Variants in PCDHGA10 observed in about 807,000 individuals in gnomAD.
The protein encoded by PCDHGA10 is protocadherin gamma subfamily A, 10, also known as protocadherin gamma-A10.
In PCDHGA10, 42 loss-of-function variants were observed where a neutral mutation model predicts 59.5. That is an observed-to-expected ratio of 0.71 (90% CI 0.55 to 0.91). The LOEUF is 0.91. Among genes scored for constraint, PCDHGA10 ranks in the 40% least tolerant of loss-of-function variants. The probability of loss-of-function intolerance (pLI) is 0.00; values close to 1 mark genes in which losing one functional copy is unlikely to be tolerated. For missense variants in PCDHGA10, 1,111 were observed against 1,198.2 expected (o/e 0.93, Z 1.07); for synonymous variants, 511 against 517.2 (o/e 0.99, Z 0.16).
intron 1 of PCDHGA10, among the ~76,000 whole-genome samples, chr5:141,463,844 G>A (rs545618795): frequency 1.3e-5 from 2 of 152,258 alleles, no homozygotes; most frequent in East Asian, 3.9e-4. Context: ...AGTTGTTATA[G>A]TGGTATATCT....
At chr5:141,450,835 T>TATTA (rs1438371595) in intron 1 of PCDHGA10, among the ~76,000 whole-genome samples, 1 of 142,096 alleles carries the variant, frequency 7.0e-6, no homozygotes, top group Admixed American at 6.9e-5. Context: ...TATTATTTTT[T>TATTA]TTTTTTTGAG....
chr5:141,468,486 TG>T (rs1562016448), intron 1 of PCDHGA10: 14 of 152,288 alleles, frequency 9.2e-5, no homozygotes. Context: ...GTAGGTCTCA[TG>T]GAAGATTTTC....
At chr5:141,444,725 T>C (rs1178418239) in intron 1 of PCDHGA10, among the ~76,000 whole-genome samples, 1 of 152,370 alleles carries the variant, frequency 6.6e-6, no homozygotes, top group East Asian at 1.9e-4. Flanking sequence ...TTGGTGCCTT[T>C]GTTGAAAGTC....
At chr5:141,455,860 A>ATTATTTAT (rs145569377) in intron 1 of PCDHGA10, among the ~76,000 whole-genome samples, 155 of 139,844 alleles carry the variant, frequency 1.1e-3, no homozygotes, top group Non-Finnish European at 1.5e-3. Flanking sequence ...AATTTCTTTT[A>ATTATTTAT]TTATTTATTT....
intron 1 of PCDHGA10, chr5:141,422,970 C>T (rs1348343583): frequency 1.2e-6 from 2 of 1,614,246 alleles, no homozygotes; most frequent in East Asian, 2.2e-5. Flanking sequence ...TGGCGCCCCG[C>T]TCTGCGGAAC....
chr5:141,505,794 G>A (rs1423502957), intron 3 of PCDHGA10, among the ~76,000 whole-genome samples: 1 of 152,142 alleles, frequency 6.6e-6, no homozygotes, highest in East Asian at 1.9e-4. Context: ...CTATCCTTGG[G>A]ACTTGGATCG....
chr5:141,501,509 C>T lies in PCDHGA10; in HGVS notation c.2496-3884C>T, dbSNP rs1046763108. 4.6e-5 allele frequency among the ~76,000 whole-genome samples: 7 copies of T among 152,080 alleles called. No individual in the cohort carries two copies. The South Asian group carries it at 6.2e-4, about 14-fold the overall frequency. On this transcript the variant is annotated intron_variant, in intron 2 of 3. Transcript: ENST00000398610. The stretch of plus-strand genomic sequence containing the variant: ...ATATCTGCTGCTGGGGCTCCAAGGC[C>T]TCCAAGCTGAAGCCCAGTACGTTGT...
intron 1 of PCDHGA10, among the ~76,000 whole-genome samples, chr5:141,450,572 T>A (rs1276283357): frequency 6.6e-6 from 1 of 151,710 alleles, no homozygotes; most frequent in African/African-American, 2.4e-5. Flanking sequence ...CTGCAACTTC[T>A]GCCTCCCAGG....
rs1359132446 is a variant in PCDHGA10, at chr5:141,414,584, C to G, written c.1409C>G (p.Ala470Gly). The change falls in exon 1 of 4, where the codon GCC becomes GGC. Residue 470 changes from alanine (A) to glycine (G), a missense_variant. By Grantham distance (60) the Ala-to-Gly change is moderately conservative. Transcript: ENST00000398610. The stretch of plus-strand genomic sequence containing the variant: ...TTTACCTATATCCCAGAGAACAACG[C>G]CAGGGGTGCCTCCATCTTCTCAGTG... ...SYFTYIPENN[A>G]RGASIFSVTA... 5 of 1,613,956 alleles carry G rather than the reference C, an allele frequency of 3.1e-6. No homozygotes were observed. The highest frequency in any genetic ancestry group is 4.2e-6 in the Non-Finnish European group (5 of 1,179,892).
chr5:141,413,235 C>A lies in PCDHGA10; in HGVS notation c.60C>A (p.Leu20=). The A allele has an allele frequency of 6.2e-7, 1 of 1,613,954 alleles. No homozygotes were observed. Among genetic ancestry groups the A allele is most frequent in the Non-Finnish European group, 8.5e-7 (1 of 1,179,884 alleles). The change falls in exon 1 of 4, where the codon CTC becomes CTA. Residue 20 remains leucine (L), a synonymous_variant. Coordinates refer to ENST00000398610, the MANE Select transcript of PCDHGA10 (RefSeq NM_018913.3). Reference sequence around the variant, plus strand: ...AGGATTGCAGCGGGCTGGTCCTGCTCTGCCTTTTCTTCGGGATTCCATGGG... The same window carrying A: ...AGGATTGCAGCGGGCTGGTCCTGCTATGCCTTTTCTTCGGGATTCCATGGG... The part of the protein sequence containing the change: ...ESKDCSGLVL[L]CLFFGIPWEA...
chr5:141,494,613 G>A (rs2099755672), intron 1 of PCDHGA10, among the ~76,000 whole-genome samples, 194 bp from the exon 2 acceptor site: 1 of 152,136 alleles, frequency 6.6e-6, no homozygotes, highest in Non-Finnish European at 1.5e-5. Context: ...TTATCTCTTG[G>A]TTTCTGGTAC....
At position 141,431,604 on chromosome 5, in the gene PCDHGA10, G is replaced by A; in HGVS notation, c.2436+15993G>A. On this transcript the variant is annotated intron_variant, in intron 1 of 3. Coordinates refer to ENST00000398610, the MANE Select transcript of PCDHGA10 (RefSeq NM_018913.3). The surrounding 1 kb of genome is among the most constrained non-coding windows in gnomAD (Gnocchi z 4.8). ...AATGCGGAAGTGAGGTATTCCTTCCGGTATGTGGACGACAAGGCGGCCCAA... is the reference window on the plus strand; with the variant it reads ...AATGCGGAAGTGAGGTATTCCTTCCAGTATGTGGACGACAAGGCGGCCCAA... 8 of 1,614,206 alleles carry A rather than the reference G, an allele frequency of 5.0e-6. No individual in the cohort carries two copies. Among genetic ancestry groups the A allele is most frequent in the Non-Finnish European group, 6.8e-6 (8 of 1,180,046 alleles).
Position 141,477,376 on chromosome 5 carries a change from G to A in PCDHGA10, c.2437-17431G>A. The A allele has an allele frequency of 6.2e-7, 1 of 1,614,146 alleles. No homozygotes were observed. Among genetic ancestry groups the A allele is most frequent in the Non-Finnish European group, 8.5e-7 (1 of 1,180,026 alleles). ...GTGCAGACCTGGATCGGGAGACTGT[G>A]CCAGAATACAACCTCAGCATCACCG... On this transcript the variant is annotated intron_variant, in intron 1 of 3. Transcript: ENST00000398610. This position sits in a 1 kb window ranked among gnomAD's most constrained non-coding sequence, Gnocchi z 4.9.
At chr5:141,496,693 C>T (rs2099770546) in intron 2 of PCDHGA10, among the ~76,000 whole-genome samples, 1 of 152,164 alleles carries the variant, frequency 6.6e-6, no homozygotes, top group South Asian at 2.1e-4. Context: ...CCTTGCCAAC[C>T]TTCTCATAAG....
chr5:141,422,626 C>A, intron 1 of PCDHGA10: 2 of 1,613,334 alleles, frequency 1.2e-6, no homozygotes, highest in Non-Finnish European at 1.7e-6. Flanking sequence ...CGAAAACAAC[C>A]CCAGGGGTGC....
chr5:141,469,618 T>C (rs1284372508), intron 1 of PCDHGA10, among the ~76,000 whole-genome samples: 1 of 152,148 alleles, frequency 6.6e-6, no homozygotes, highest in Non-Finnish European at 1.5e-5. Context: ...ATAAAATAAA[T>C]GTTTGTAGTT....
intron 1 of PCDHGA10, among the ~76,000 whole-genome samples, chr5:141,454,353 A>G (rs2098787486): frequency 1.3e-5 from 2 of 152,238 alleles, no homozygotes; most frequent in Non-Finnish European, 2.9e-5. Context: ...AGTTGATCCA[A>G]ACTTAGAAAG....
intron 1 of PCDHGA10, 62 bp from the exon 2 acceptor site, chr5:141,494,745 G>T: frequency 1.2e-6 from 2 of 1,612,802 alleles, no homozygotes; most frequent in African/African-American, 1.3e-5. Context: ...ATCCCTAGGG[G>T]CTCGGGTGAC....
At chr5:141,507,017 C>CACTT (rs763489200) in intron 3 of PCDHGA10, 1 of 152,206 alleles carries the variant, frequency 6.6e-6, no homozygotes, top group Non-Finnish European at 1.5e-5. Flanking sequence ...ACCGAGAAGG[C>CACTT]ACTTGCCCCA....
Sources: gnomAD v4.1 joint callset for allele counts (sites outside exome capture counted in the v4.1 genomes callset) on GRCh38, gnomAD v4.1.1 for gene constraint, Gnocchi (gnomAD v3.1) non-coding constraint, MANE v1.5 for transcripts, NCBI Gene and HGNC (gene_info 2026-07-23, HGNC 2026-07-21) for gene names.